The following TSHZ2 variants were observed in gnomAD, a reference collection of about 807,000 sequenced individuals.
The protein encoded by TSHZ2 is teashirt zinc finger homeobox 2.
TSHZ2 carries 21 observed loss-of-function variants against 74.4 expected under a neutral mutation model. The ratio of observed to expected loss-of-function variants is 0.28; its 90% CI spans 0.20 to 0.41. The LOEUF is 0.41. Among genes scored for constraint, TSHZ2 ranks in the 10% least tolerant of loss-of-function variants. TSHZ2 has a pLI of 1.00. For synonymous variants in TSHZ2, 540 were observed against 515.3 expected, an observed-to-expected ratio of 1.05 and a Z score of -0.65; for missense variants, 1,244 against 1,293.5, an observed-to-expected ratio of 0.96 and a Z score of 0.59.
chr20:53,017,890 C>T (rs543469520), intron 1 of TSHZ2, among the ~76,000 whole-genome samples: 1 of 152,280 alleles, frequency 6.6e-6, no homozygotes, highest in South Asian at 2.1e-4. Context: ...GACTATGTAA[C>T]TTTCATGGGA....
intron 1 of TSHZ2, among the ~76,000 whole-genome samples, chr20:53,098,874 A>G (rs1986133044): frequency 6.6e-6 from 1 of 152,240 alleles, no homozygotes; most frequent in South Asian, 2.1e-4. Context: ...GGCTACATGG[A>G]TGAGGAATGC....
At chr20:53,469,062 T>TACAC (rs1201961193) in intron 2 of TSHZ2, among the ~76,000 whole-genome samples, 43 of 123,528 alleles carry the variant, frequency 3.5e-4, no homozygotes, top group African/African-American at 1.3e-3. Context: ...TATATATATA[T>TACAC]ATATATATAT....
At chr20:53,292,402 A>G (rs1470929730) in intron 2 of TSHZ2, among the ~76,000 whole-genome samples, 1 of 151,700 alleles carries the variant, frequency 6.6e-6, no homozygotes, top group Non-Finnish European at 1.5e-5. Flanking sequence ...TCTGAAGTTC[A>G]TTAGAATTTC....
intron 2 of TSHZ2, among the ~76,000 whole-genome samples, chr20:53,330,951 A>G (rs1473520638): frequency 1.3e-5 from 2 of 152,336 alleles, no homozygotes; most frequent in Non-Finnish European, 1.5e-5. Flanking sequence ...CTCAACAGCT[A>G]AGGAAATCTG....
intron 1 of TSHZ2, among the ~76,000 whole-genome samples, chr20:53,001,226 G>GTGTATGTGTGTGTGTGTGTGTGTA (rs796181075): frequency 1.3e-3 from 188 of 146,826 alleles, no homozygotes; most frequent in African/African-American, 2.7e-3. Flanking sequence ...GTGTGTGTGT[G>GTGTATGTGTGTGTGTGTGTGTGTA]TGTGTGTGTG....
rs1419593537 is a variant in TSHZ2, at chr20:52,985,706, T to C, written c.40+12373T>C. Among the ~76,000 whole-genome samples, 3 of 152,118 alleles carry C rather than the reference T, an allele frequency of 2.0e-5. No individual in the cohort carries two copies. The East Asian group carries it at 5.8e-4, about 29-fold the overall frequency. On this transcript the variant is annotated intron_variant, in intron 1 of 2. Coordinates refer to ENST00000371497, the MANE Select transcript of TSHZ2 (RefSeq NM_173485.6). ...ATAGACGATGCTCAATAAATATTAT[T>C]TGAAGGAGTGAATGATGGTGACATG...
intron 1 of TSHZ2, among the ~76,000 whole-genome samples, chr20:53,122,057 T>C (rs1193562132): frequency 2.6e-5 from 4 of 151,970 alleles, no homozygotes; most frequent in Admixed American, 2.6e-4. Context: ...GAGGCCGAAG[T>C]GGGTAGATGG....
chr20:53,255,978 A>G lies in TSHZ2; in HGVS notation c.2520A>G (p.Lys840=). ...CCAGTGAAGTCTCAACTTTGCATAA[A>G]AGAAAAGGCCGGCAGTCCAACTGGA... The part of the protein sequence containing the change: ...DVSSEVSTLH[K]RKGRQSNWNP... Residue 840 remains lysine (K), a synonymous_variant, in exon 2 of 3, where the codon AAA becomes AAG. Coordinates refer to ENST00000371497, the MANE Select transcript of TSHZ2 (RefSeq NM_173485.6). This position sits in a 1 kb window ranked among gnomAD's most constrained non-coding sequence, Gnocchi z 4.1. 6.2e-7 allele frequency: 1 copy of G among 1,613,906 alleles called. No homozygotes were observed. Among genetic ancestry groups the G allele is most frequent in the South Asian group, 1.1e-5 (1 of 91,056 alleles).
intron 2 of TSHZ2, among the ~76,000 whole-genome samples, chr20:53,274,988 G>A (rs551102676): frequency 6.6e-6 from 1 of 152,254 alleles, no homozygotes; most frequent in South Asian, 2.1e-4. Flanking sequence ...TTTGGCCCCT[G>A]CTGGAGCTCA....
intron 1 of TSHZ2, among the ~76,000 whole-genome samples, chr20:53,147,242 A>G (rs938914971): frequency 3.1e-4 from 47 of 152,226 alleles, no homozygotes; most frequent in African/African-American, 9.9e-4. Context: ...TCTTTTAGTG[A>G]CAATTGATGG....
chr20:53,190,124 TATATATA>T (rs1568803432), intron 1 of TSHZ2, among the ~76,000 whole-genome samples: 7 of 99,254 alleles, frequency 7.1e-5, no homozygotes, highest in African/African-American at 2.7e-4. Context: ...TATATATATA[TATATATA>T]TATATATTTT....
chr20:53,416,099 T>G (rs936051094), intron 2 of TSHZ2, among the ~76,000 whole-genome samples: 1 of 151,864 alleles, frequency 6.6e-6, no homozygotes, highest in Non-Finnish European at 1.5e-5. Flanking sequence ...GAAGGGCAGG[T>G]GGGTGGTGGA....
intron 2 of TSHZ2, among the ~76,000 whole-genome samples, chr20:53,429,630 C>T (rs956844280): frequency 1.3e-5 from 2 of 152,108 alleles, no homozygotes; most frequent in African/African-American, 4.8e-5. Flanking sequence ...TGTAAATTGC[C>T]CAGTCTCAGG....
chr20:53,478,196 T>C (rs1331009014), intron 2 of TSHZ2, among the ~76,000 whole-genome samples: 3 of 150,954 alleles, frequency 2.0e-5, no homozygotes, highest in African/African-American at 7.3e-5. Context: ...CATGCTGCTA[T>C]AAAGACACAT....
chr20:53,115,952 A>G (rs1361590254), intron 1 of TSHZ2, among the ~76,000 whole-genome samples: 12 of 152,204 alleles, frequency 7.9e-5, no homozygotes, highest in Admixed American at 7.2e-4. Context: ...AAGTGATTCA[A>G]TCCAGCAGTG....
intron 2 of TSHZ2, among the ~76,000 whole-genome samples, chr20:53,321,435 C>T (rs1192656909): frequency 6.6e-6 from 1 of 152,016 alleles, no homozygotes; most frequent in Non-Finnish European, 1.5e-5. Flanking sequence ...CCTGTAATCC[C>T]AGCACTTTGG....
At chr20:53,112,722 AG>A (rs1986569558) in intron 1 of TSHZ2, among the ~76,000 whole-genome samples, 2 of 152,148 alleles carry the variant, frequency 1.3e-5, no homozygotes, top group South Asian at 4.1e-4. Flanking sequence ...CACATTGCTC[AG>A]GTCAGGAATT....
intron 1 of TSHZ2, among the ~76,000 whole-genome samples, chr20:53,025,108 G>T (rs924257925): frequency 6.6e-6 from 1 of 151,414 alleles, no homozygotes; most frequent in Non-Finnish European, 1.5e-5. Context: ...AAAAGAATTA[G>T]ATATAAAAAT....
At chr20:53,147,638 T>G (rs1037805539) in intron 1 of TSHZ2, among the ~76,000 whole-genome samples, 3 of 152,264 alleles carry the variant, frequency 2.0e-5, no homozygotes, top group Admixed American at 2.0e-4. Flanking sequence ...GATTTCTTTT[T>G]GTTTGTTTTA....
Sources: allele counts gnomAD v4.1 joint callset (sites outside exome capture counted in the v4.1 genomes callset), GRCh38; gene constraint gnomAD v4.1.1; non-coding constraint Gnocchi (gnomAD v3.1); transcripts MANE v1.5; gene names NCBI Gene and HGNC (gene_info 2026-07-23, HGNC 2026-07-21).